The following MTREX variants were observed in gnomAD, a reference collection of about 807,000 sequenced individuals.
MTREX encodes exosome RNA helicase MTR4.
Under a neutral mutation model 135.4 loss-of-function variants are expected in MTREX, and 76 were observed. That is an observed-to-expected ratio of 0.56 (90% CI 0.47 to 0.68). MTREX has a LOEUF of 0.68. MTREX is among the 30% of genes least tolerant of loss of function. MTREX has a pLI of 0.00. For synonymous variants in MTREX, 404 were observed against 401.6 expected, an observed-to-expected ratio of 1.01 and a Z score of -0.07; for missense variants, 920 against 1,262.1, an observed-to-expected ratio of 0.73 and a Z score of 4.11.
chr5:55,411,205 T>C (rs1429420973), intron 23 of MTREX, among the ~76,000 whole-genome samples: 1 of 152,230 alleles, frequency 6.6e-6, no homozygotes, highest in African/African-American at 2.4e-5. Context: ...ATAAGAACAC[T>C]AATTATCCTT....
intron 5 of MTREX, among the ~76,000 whole-genome samples, chr5:55,331,298 T>C (rs1749471016): frequency 1.3e-5 from 2 of 152,236 alleles, no homozygotes; most frequent in African/African-American, 4.8e-5. Flanking sequence ...TGAATACTTT[T>C]GCATTTTTGT....
intron 4 of MTREX, among the ~76,000 whole-genome samples, chr5:55,328,060 T>C (rs1337733906): frequency 5.3e-5 from 8 of 152,180 alleles, no homozygotes; most frequent in African/African-American, 1.9e-4. Flanking sequence ...AATACATGTG[T>C]ACTAGTTTTT....
chr5:55,413,033 C>T (rs1750907773), intron 23 of MTREX, among the ~76,000 whole-genome samples: 1 of 151,638 alleles, frequency 6.6e-6, no homozygotes, highest in Admixed American at 6.6e-5. Flanking sequence ...AACTAGCCTA[C>T]AATTGCTTTA....
At chr5:55,312,638 T>C (rs923992199) in intron 1 of MTREX, among the ~76,000 whole-genome samples, 3 of 152,240 alleles carry the variant, frequency 2.0e-5, no homozygotes, top group African/African-American at 7.2e-5. Flanking sequence ...TTCAGTCATG[T>C]GGTGTATATC....
chr5:55,328,667 T>A, intron 4 of MTREX, 32 bp from the exon 5 acceptor site: 1 of 1,447,764 alleles, frequency 6.9e-7, no homozygotes, highest in South Asian at 1.1e-5. Context: ...ACTAGATGTT[T>A]TTATGCAGAT....
chr5:55,331,159 T>C (rs1749468687), intron 5 of MTREX, among the ~76,000 whole-genome samples: 1 of 152,178 alleles, frequency 6.6e-6, no homozygotes, highest in South Asian at 2.1e-4. Context: ...GTCATCTGTC[T>C]CATTTTTGGA....
intron 18 of MTREX, among the ~76,000 whole-genome samples, chr5:55,379,446 A>G (rs1036211740): frequency 1.2e-4 from 18 of 152,142 alleles, no homozygotes; most frequent in African/African-American, 4.1e-4. Flanking sequence ...CGGCCTCCCA[A>G]AGTGCTGGGA....
chr5:55,408,877 A>G (rs230778), intron 22 of MTREX, among the ~76,000 whole-genome samples: 132,437 of 152,062 alleles, frequency 0.87, 57,918 homozygotes, highest in South Asian at 0.92. Context: ...TCAGACCCTA[A>G]GTAAATTCTC....
At chr5:55,422,277 G>A (rs143455830) in intron 25 of MTREX, among the ~76,000 whole-genome samples, 1 of 152,284 alleles carries the variant, frequency 6.6e-6, no homozygotes, top group Non-Finnish European at 1.5e-5. Flanking sequence ...AGACCCATGG[G>A]AAAAGGCTTC....
At chr5:55,348,173 AGGGCC>A in intron 11 of MTREX, among the ~76,000 whole-genome samples, 1 of 152,156 alleles carries the variant, frequency 6.6e-6, no homozygotes. Flanking sequence ...ACATCTAGTG[AGGGCC>A]TTTTTTGTCG....
In MTREX at chr5:55,327,685, G is replaced by A. The variant is rs754343099; in HGVS notation, c.340-31G>A. The stretch of plus-strand genomic sequence containing the variant: ...ACATCAGTTCTCAAATAGTTGGTGA[G>A]GTTTTTTTTTCTTTTTTACTTTGTT... On this transcript the variant is annotated intron_variant, in intron 3 of 26. Transcript: ENST00000230640. 1.9e-6 allele frequency: 3 copies of A among 1,560,332 alleles called. No individual in the cohort carries two copies. The Admixed American group carries it at 5.1e-5, about 27-fold the overall frequency.
chr5:55,320,311 G>A (rs887830230), intron 1 of MTREX, among the ~76,000 whole-genome samples: 17 of 149,472 alleles, frequency 1.1e-4, no homozygotes, highest in South Asian at 2.1e-4. Context: ...TCCACCTCCC[G>A]GGTTCACACC....
intron 25 of MTREX, 87 bp from the exon 26 acceptor site, chr5:55,422,789 CGT>C: frequency 1.1e-6 from 1 of 891,750 alleles, no homozygotes; most frequent in Non-Finnish European, 1.7e-6. Context: ...TATTAATTAT[CGT>C]GTGTTCTCCT....
chr5:55,373,628 C>T (rs1367049037), intron 16 of MTREX, among the ~76,000 whole-genome samples: 1 of 152,132 alleles, frequency 6.6e-6, no homozygotes, highest in Non-Finnish European at 1.5e-5. Flanking sequence ...TACTCACACA[C>T]ACACAAATAA....
chr5:55,308,079 A>C lies in MTREX; in HGVS notation c.66A>C (p.Gly22=). Reference sequence around the variant, plus strand: ...AGGGCGACTCGACCACTGCGGCGGGAACCAAAAAAGACAAGGAAAAGGACA... The same window carrying C: ...AGGGCGACTCGACCACTGCGGCGGGCACCAAAAAAGACAAGGAAAAGGACA... ...VFEGDSTTAA[G]TKKDKEKDKG... The change falls in exon 1 of 27, where the codon GGA becomes GGC. Residue 22 remains glycine (G), a synonymous_variant. Transcript: ENST00000230640. 1 of 1,613,962 alleles carries C rather than the reference A, an allele frequency of 6.2e-7. No individual in the cohort carries two copies. Among genetic ancestry groups the C allele is most frequent in the Non-Finnish European group, 8.5e-7 (1 of 1,179,978 alleles).
intron 26 of MTREX, chr5:55,423,324 T>G (rs889231301): frequency 1.5e-4 from 33 of 216,556 alleles, no homozygotes; most frequent in Non-Finnish European, 5.4e-5. Flanking sequence ...TATCAGATGG[T>G]GATAAGTCTG....
At chr5:55,416,214 T>C in intron 25 of MTREX, 82 bp downstream of exon 25, 1 of 839,076 alleles carries the variant, frequency 1.2e-6, no homozygotes. Flanking sequence ...ACAAGTATAA[T>C]ATGTATTTTT....
intron 18 of MTREX, 131 bp from the exon 19 acceptor site, chr5:55,387,843 A>G (rs1027437547): frequency 1.5e-6 from 1 of 657,432 alleles, no homozygotes. Flanking sequence ...TTCATAAAAT[A>G]AGTATGTATT....
intron 23 of MTREX, among the ~76,000 whole-genome samples, chr5:55,412,590 T>C (rs956918199): frequency 6.6e-6 from 1 of 152,170 alleles, no homozygotes; most frequent in African/African-American, 2.4e-5. Flanking sequence ...GGAGATGGTG[T>C]TACTATTTTA....
Sources: gnomAD v4.1 joint callset for allele counts (sites outside exome capture counted in the v4.1 genomes callset) on GRCh38, gnomAD v4.1.1 for gene constraint, MANE v1.5 for transcripts, NCBI Gene and HGNC (gene_info 2026-07-23, HGNC 2026-07-21) for gene names.